The following CACNA2D1 variants were observed in gnomAD, a reference collection of about 807,000 sequenced individuals.
CACNA2D1 encodes calcium voltage-gated channel auxiliary subunit alpha2delta 1.
A neutral mutation model predicts 171.5 loss-of-function variants in CACNA2D1; 53 were observed. The observed-to-expected ratio is 0.31, with a 90% CI of 0.25 to 0.39. The LOEUF is 0.39. Among genes scored for constraint, CACNA2D1 ranks in the 10% least tolerant of loss-of-function variants. CACNA2D1 has a pLI of 1.00. For missense variants in CACNA2D1, 903 were observed against 1,299.8 expected, an observed-to-expected ratio of 0.69 and a Z score of 4.69; for synonymous variants, 442 against 443.1, an observed-to-expected ratio of 1.00 and a Z score of 0.03.
chr7:82,278,355 G>A (rs752262537), intron 3 of CACNA2D1, among the ~76,000 whole-genome samples: 1 of 152,068 alleles, frequency 6.6e-6, no homozygotes, highest in South Asian at 2.1e-4. Flanking sequence ...AAGGCAGGCA[G>A]ATCACCTGAG....
intron 3 of CACNA2D1, among the ~76,000 whole-genome samples, chr7:82,329,535 C>G (rs975003873): frequency 6.6e-6 from 1 of 152,048 alleles, no homozygotes; most frequent in Non-Finnish European, 1.5e-5. Context: ...CTCAGAAGGC[C>G]GCATTGGAGG....
intron 30 of CACNA2D1, 44 bp from the exon 31 acceptor site, chr7:81,967,251 G>C: frequency 6.7e-7 from 1 of 1,485,936 alleles, no homozygotes; most frequent in Non-Finnish European, 9.4e-7. Flanking sequence ...TTAAAAGTTG[G>C]ATTTTAATTA....
chr7:81,967,250 G>C, intron 30 of CACNA2D1, 43 bp from the exon 31 acceptor site: 1 of 1,495,052 alleles, frequency 6.7e-7, no homozygotes, highest in Non-Finnish European at 9.3e-7. Flanking sequence ...TTTAAAAGTT[G>C]GATTTTAATT....
intron 3 of CACNA2D1, among the ~76,000 whole-genome samples, chr7:82,281,456 A>G (rs2129374587): frequency 6.6e-6 from 1 of 152,344 alleles, no homozygotes; most frequent in East Asian, 1.9e-4. Context: ...ATGTGGACAT[A>G]TAATTTTTTC....
chr7:82,177,686 A>G (rs547862776), intron 3 of CACNA2D1, among the ~76,000 whole-genome samples: 2 of 152,262 alleles, frequency 1.3e-5, no homozygotes, highest in South Asian at 4.1e-4. Context: ...TCTTAATACA[A>G]ACCTACCTAT....
intron 6 of CACNA2D1, among the ~76,000 whole-genome samples, chr7:82,111,394 GTATATATATATTCATATA>G (rs1185679605): frequency 0.11 from 12,184 of 107,238 alleles, 1,502 homozygotes; most frequent in East Asian, 0.21. Context: ...GTGTATATAT[GTATATATATATTCATATA>G]TGTGTATATA....
chr7:82,229,723 G>A (rs1034252172), intron 3 of CACNA2D1, among the ~76,000 whole-genome samples: 4 of 83,528 alleles, frequency 4.8e-5, no homozygotes, highest in Non-Finnish European at 9.0e-5. Context: ...TATTGACAGG[G>A]TCTCACTTTG....
In CACNA2D1 at chr7:81,962,031, G is replaced by A; in HGVS notation, c.2837-8C>T. 1 of 1,612,126 alleles carries A rather than the reference G, an allele frequency of 6.2e-7. No homozygotes were observed. The highest frequency in any genetic ancestry group is 8.5e-7 in the Non-Finnish European group (1 of 1,178,878). ...CATCATCCTCCATCTCAACTTGGGT[G>A]GCGGGGGACGGTGTAAAAACAAAGA... On this transcript the variant is annotated splice_polypyrimidine_tract_variant and splice_region_variant and intron_variant, in intron 35 of 38. Coordinates refer to ENST00000356860, the MANE Select transcript of CACNA2D1 (RefSeq NM_000722.4).
At chr7:82,170,261 T>C (rs1284996648) in intron 4 of CACNA2D1, among the ~76,000 whole-genome samples, 2 of 151,886 alleles carry the variant, frequency 1.3e-5, no homozygotes, top group Non-Finnish European at 2.9e-5. Flanking sequence ...CTATTTTTAA[T>C]GTATTTTATA....
chr7:82,310,584 G>T lies in CACNA2D1; in HGVS notation c.294+24551C>A, dbSNP rs1205479171. 7.2e-5 allele frequency among the ~76,000 whole-genome samples: 11 copies of T among 151,842 alleles called. No individual in the cohort carries two copies. In the South Asian group the frequency reaches 2.3e-3, roughly 31 times the overall value. On this transcript the variant is annotated intron_variant, in intron 3 of 38. Coordinates refer to ENST00000356860, the MANE Select transcript of CACNA2D1 (RefSeq NM_000722.4). ...TAATTTGTTTTTTTCTTTTGAATAA[G>T]ATTTTCATATACTATTAATAAGAAA...
At chr7:82,167,794 G>A (rs1458568866) in intron 4 of CACNA2D1, among the ~76,000 whole-genome samples, 1 of 152,032 alleles carries the variant, frequency 6.6e-6, no homozygotes, top group Admixed American at 6.6e-5. Flanking sequence ...CAATCAGTAT[G>A]TCAACAGGCC....
chr7:82,266,496 A>G (rs1807869756), intron 3 of CACNA2D1, among the ~76,000 whole-genome samples: 1 of 151,942 alleles, frequency 6.6e-6, no homozygotes, highest in South Asian at 2.1e-4. Flanking sequence ...TCCTAACAGA[A>G]GTCTACTGGC....
intron 38 of CACNA2D1, among the ~76,000 whole-genome samples, chr7:81,957,671 A>C (rs1043951086): frequency 3.3e-5 from 5 of 152,142 alleles, no homozygotes; most frequent in African/African-American, 1.2e-4. Flanking sequence ...GCAGATTCAC[A>C]GTGACCATTG....
intron 38 of CACNA2D1, among the ~76,000 whole-genome samples, chr7:81,954,664 C>T (rs1793009936): frequency 6.6e-6 from 1 of 152,022 alleles, no homozygotes; most frequent in Non-Finnish European, 1.5e-5. Flanking sequence ...ATGTTCTGGT[C>T]ATTTGGCTAA....
chr7:82,301,016 A>G (rs184751955), intron 3 of CACNA2D1, among the ~76,000 whole-genome samples: 2 of 152,362 alleles, frequency 1.3e-5, no homozygotes, highest in Admixed American at 1.3e-4. Context: ...AAATGTAGAC[A>G]TTGCAATTTA....
Position 82,223,829 on chromosome 7 carries a change from G to A in CACNA2D1, c.295-53220C>T, listed in dbSNP as rs147837748. The stretch of plus-strand genomic sequence containing the variant: ...TGAAAATGTAAATCAGATATGCCAC[G>A]CTCCTGCTTAACCCCATCCAATGGC... On this transcript the variant is annotated intron_variant, in intron 3 of 38. Transcript: ENST00000356860. 4.5e-4 allele frequency among the ~76,000 whole-genome samples: 68 copies of A among 152,222 alleles called. 1 individual carries two copies. The East Asian group carries it at 8.9e-3, about 20-fold the overall frequency.
intron 10 of CACNA2D1, among the ~76,000 whole-genome samples, chr7:82,059,281 C>T (rs1024678298): frequency 5.9e-5 from 9 of 152,078 alleles, no homozygotes; most frequent in African/African-American, 2.2e-4. Context: ...TAAAATGACA[C>T]ATGGTAACAT....
chr7:82,415,131 C>T (rs754673150), intron 1 of CACNA2D1, among the ~76,000 whole-genome samples: 3 of 152,106 alleles, frequency 2.0e-5, no homozygotes, highest in Non-Finnish European at 2.9e-5. Context: ...GAGCAGATCC[C>T]CTGTGGTTGC....
intron 3 of CACNA2D1, among the ~76,000 whole-genome samples, chr7:82,206,903 C>CT (rs1800053273): frequency 6.6e-6 from 1 of 152,046 alleles, no homozygotes; most frequent in Non-Finnish European, 1.5e-5. Context: ...GAATAAACAT[C>CT]TTTTTTTAAC....
Sources: gnomAD v4.1 joint callset for allele counts (sites outside exome capture counted in the v4.1 genomes callset) on GRCh38, gnomAD v4.1.1 for gene constraint, MANE v1.5 for transcripts, NCBI Gene and HGNC (gene_info 2026-07-23, HGNC 2026-07-21) for gene names.